COL6A6: variants seen among roughly 807,000 people sequenced by gnomAD.
The protein encoded by COL6A6 is collagen alpha-6(VI) chain.
In COL6A6, 183 loss-of-function variants were observed where a neutral mutation model predicts 208.6. That is an observed-to-expected ratio of 0.88 (90% CI 0.78 to 0.99). COL6A6 has a LOEUF of 0.99. COL6A6 is among the 50% of genes least tolerant of loss of function. The probability of loss-of-function intolerance (pLI) is 0.00; values close to 1 mark genes in which losing one functional copy is unlikely to be tolerated. For synonymous variants in COL6A6, 973 were observed against 1,011.8 expected (o/e 0.96, Z 0.73); for missense variants, 2,816 against 2,815.2 (o/e 1.00, Z -0.01).
intron 1 of COL6A6, among the ~76,000 whole-genome samples, chr3:130,536,121 C>G (rs2062218674): frequency 6.6e-6 from 1 of 152,200 alleles, no homozygotes. Context: ...CTCTGCTATA[C>G]AGAAAACTTC....
chr3:130,663,736 G>T (rs1389298614), intron 35 of COL6A6, among the ~76,000 whole-genome samples: 2 of 152,048 alleles, frequency 1.3e-5, no homozygotes, highest in South Asian at 2.1e-4. Flanking sequence ...CCCCTCAACT[G>T]AGGAAAGGTA....
intron 1 of COL6A6, among the ~76,000 whole-genome samples, chr3:130,556,800 G>A (rs2107829562): frequency 6.6e-6 from 1 of 152,220 alleles, no homozygotes. Flanking sequence ...ATTCCAACAA[G>A]TTTTGACCCA....
chr3:130,570,075 A>G (rs1365148909), intron 6 of COL6A6, among the ~76,000 whole-genome samples: 1 of 152,192 alleles, frequency 6.6e-6, no homozygotes, highest in African/African-American at 2.4e-5. Context: ...TCCAGAATGG[A>G]TGAGTTAGTT....
chr3:130,570,688 G>A, intron 6 of COL6A6, 130 bp from the exon 7 acceptor site: 2 of 671,416 alleles, frequency 3.0e-6, no homozygotes, highest in Non-Finnish European at 2.5e-6. Flanking sequence ...CTTATCCAGG[G>A]AACCGACATT....
intron 23 of COL6A6, among the ~76,000 whole-genome samples, chr3:130,620,613 G>A (rs2064685660): frequency 6.6e-6 from 1 of 152,082 alleles, no homozygotes; most frequent in Non-Finnish European, 1.5e-5. Flanking sequence ...GATGAAGGAA[G>A]GGGGAGAGAT....
At chr3:130,605,337 C>T (rs536171505) in intron 20 of COL6A6, among the ~76,000 whole-genome samples, 9 of 151,890 alleles carry the variant, frequency 5.9e-5, no homozygotes, top group African/African-American at 2.2e-4. Flanking sequence ...CTCCTCCTCC[C>T]AAACCCAAAG....
intron 1 of COL6A6, among the ~76,000 whole-genome samples, chr3:130,528,957 G>T (rs1240931414): frequency 1.3e-5 from 2 of 152,136 alleles, no homozygotes; most frequent in Non-Finnish European, 2.9e-5. Flanking sequence ...GCCAGGTGTG[G>T]TGGACACCTG....
Position 130,568,307 on chromosome 3 carries a change from G to A in COL6A6, c.2104G>A (p.Gly702Ser). The A allele has an allele frequency of 6.2e-7, 1 of 1,613,986 alleles. No homozygotes were observed. The highest frequency in any genetic ancestry group is 8.5e-7 in the Non-Finnish European group (1 of 1,179,886). The stretch of plus-strand genomic sequence containing the variant: ...TCACATTGGACAAACCACCCTGACT[G>A]GTAGTGCCCTGAGCTTTGTGTCTCA... Reference protein sequence around the residue: ...MAHIGQTTLTGSALSFVSQYF... With the variant: ...MAHIGQTTLTSSALSFVSQYF... The change falls in exon 6 of 37, where the codon GGT (glycine) becomes AGT (serine). Residue 702 changes from glycine (G) to serine (S), a missense_variant. Physicochemically the swap from Gly to Ser is moderately conservative, Grantham distance 56. Transcript: ENST00000358511.
At chr3:130,533,253 TAAAAAAAA>T (rs59750509) in intron 1 of COL6A6, among the ~76,000 whole-genome samples, 1 of 129,530 alleles carries the variant, frequency 7.7e-6, no homozygotes, top group African/African-American at 3.0e-5. Flanking sequence ...TCCCAGGAAT[TAAAAAAAA>T]AAAAAAAAAA....
At chr3:130,562,604 C>A (rs1432946023) in intron 2 of COL6A6, among the ~76,000 whole-genome samples, 1 of 151,868 alleles carries the variant, frequency 6.6e-6, no homozygotes, top group Non-Finnish European at 1.5e-5. Context: ...GAAAGGCCAT[C>A]TTTCAGATTT....
intron 34 of COL6A6, among the ~76,000 whole-genome samples, chr3:130,660,084 T>A (rs2065900036): frequency 6.6e-6 from 1 of 152,238 alleles, no homozygotes; most frequent in African/African-American, 2.4e-5. Context: ...TGTGATGGTA[T>A]GTTGCATAGT....
intron 26 of COL6A6, among the ~76,000 whole-genome samples, chr3:130,634,243 A>AAAT (rs1491161310): frequency 4.8e-5 from 2 of 41,776 alleles, no homozygotes; most frequent in Non-Finnish European, 6.7e-5. Flanking sequence ...ATAAATAAAT[A>AAAT]AAAAAAAAAA....
chr3:130,642,432 A>G (rs976643235), intron 29 of COL6A6, among the ~76,000 whole-genome samples: 61 of 152,294 alleles, frequency 4.0e-4, no homozygotes, highest in African/African-American at 1.4e-3. Flanking sequence ...TGGGGGTTGA[A>G]GACCTTGAAA....
At chr3:130,555,696 T>A (rs1377600518) in intron 1 of COL6A6, among the ~76,000 whole-genome samples, 1 of 152,216 alleles carries the variant, frequency 6.6e-6, no homozygotes, top group East Asian at 1.9e-4. Flanking sequence ...TTCCTTCTAC[T>A]CCTAATTTGC....
chr3:130,607,159 C>T (rs779721306), intron 21 of COL6A6, among the ~76,000 whole-genome samples, 193 bp downstream of exon 21: 2 of 152,048 alleles, frequency 1.3e-5, no homozygotes, highest in Non-Finnish European at 2.9e-5. Context: ...TGGTCAAAAA[C>T]CATAAAAAAT....
chr3:130,635,883 A>C, intron 28 of COL6A6, 122 bp downstream of exon 28: 1 of 695,340 alleles, frequency 1.4e-6, no homozygotes, highest in East Asian at 2.7e-5. Context: ...TGTGTTTTCT[A>C]TTAAGGCAAA....
Position 130,563,592 on chromosome 3 carries a change from C to T in COL6A6, c.589C>T (p.Gln197Ter). 6.2e-7 allele frequency: 1 copy of T among 1,613,894 alleles called. No homozygotes were observed. The highest frequency in any genetic ancestry group is 8.5e-7 in the Non-Finnish European group (1 of 1,179,868). ...RTVRDLSMFS[Q>*]NMTHIIKDVI... ...AGTCAGAGACCTCAGCATGTTTTCC[C>T]AAAACATGACACACATCATCAAGGA... is the stretch of plus-strand genomic sequence containing the variant. The change falls in exon 3 of 37, where the codon CAA (glutamine) becomes TAA (stop). Residue 197 changes from glutamine to a stop codon, truncating the protein, a stop_gained. Transcript: ENST00000358511. LOFTEE classifies it high-confidence loss of function.
rs368285081 is a variant in COL6A6, at chr3:130,646,516, G to A, written c.5239+1514G>A. On this transcript the variant is annotated intron_variant, in intron 32 of 36. Coordinates refer to ENST00000358511, the MANE Select transcript of COL6A6 (RefSeq NM_001102608.3). ...CTGAACCTGGGAGGCAGAGGTTGCA[G>A]TGAGCCGAGATCACACCACTGCATT... 2.6e-5 allele frequency: 4 copies of A among 152,400 alleles called. No homozygotes were observed. In the South Asian group the frequency reaches 6.2e-4, roughly 24 times the overall value. The allele number at this position is 152,400 out of a possible 1,614,324, so 9.4% of individuals were successfully genotyped here.
rs201567655 is a variant in COL6A6 at position 130,675,396 on chromosome 3, A to T, written c.6791A>T (p.Ter2264LeuextTer4). The T allele has an allele frequency of 7.5e-5, 117 of 1,567,034 alleles. No individual in the cohort carries two copies. The highest frequency in any genetic ancestry group is 1.7e-4 in the Middle Eastern group (1 of 5,918). The change falls in exon 37 of 37, where the codon TAA becomes TTA. Residue 2264 changes from the stop codon to leucine, a stop_lost. Transcript: ENST00000358511. ...GAAAGTGCTCCCAAACAACATGATT[A>T]AAAAAATGCTTGAACAACTTAGCCT... ...MIESAPKQHD[*>L]
Sources: allele counts gnomAD v4.1 joint callset (sites outside exome capture counted in the v4.1 genomes callset), GRCh38; gene constraint gnomAD v4.1.1; transcripts MANE v1.5; gene names NCBI Gene and HGNC (gene_info 2026-07-23, HGNC 2026-07-21).